The following STARD13 variants were observed in gnomAD, a reference collection of about 807,000 sequenced individuals.
STARD13 encodes stAR-related lipid transfer protein 13.
In STARD13, 62 loss-of-function variants were observed where a neutral mutation model predicts 106.4. The ratio of observed to expected loss-of-function variants is 0.58; its 90% CI spans 0.48 to 0.72. The LOEUF (loss-of-function observed/expected upper bound fraction) is 0.72. Ranked by LOEUF, STARD13 falls within the 30% of genes least tolerant of loss-of-function variation. The pLI is 0.00. For synonymous variants in STARD13, 565 were observed against 553.0 expected (o/e 1.02, Z -0.31); for missense variants, 1,387 against 1,424.0 (o/e 0.97, Z 0.42).
chr13:33,629,116 G>A, the STARD13 span, among the ~76,000 whole-genome samples: 1 of 152,224 alleles, frequency 6.6e-6, no homozygotes, highest in South Asian at 2.1e-4. Flanking sequence ...GTCTTGGGTT[G>A]TAGGCCAGGT....
the STARD13 span, among the ~76,000 whole-genome samples, chr13:33,596,501 T>A: frequency 1.3e-5 from 2 of 152,330 alleles, no homozygotes; most frequent in Middle Eastern, 3.4e-3. Context: ...AATGATCAAA[T>A]CAGGGCATTT....
chr13:33,352,427 C>G (rs2078087646), upstream of STARD13, among the ~76,000 whole-genome samples: 1 of 152,216 alleles, frequency 6.6e-6, no homozygotes, highest in Non-Finnish European at 1.5e-5. Flanking sequence ...GGGAACAGAA[C>G]ATAACCATTC....
intron 1 of STARD13, among the ~76,000 whole-genome samples, 164 bp from the exon 2 acceptor site, chr13:33,167,786 C>G (rs1046580016): frequency 6.6e-6 from 1 of 152,020 alleles, no homozygotes; most frequent in African/African-American, 2.4e-5. Context: ...GGGTGGAAAA[C>G]GAGCGGGTAA....
At chr13:33,185,971 A>G in intron 1 of STARD13, 1 of 1,614,228 alleles carries the variant, frequency 6.2e-7, no homozygotes. Flanking sequence ...ACCAAGCACC[A>G]CAAAGGGGCC....
chr13:33,182,698 G>C (rs1257254396), intron 1 of STARD13, among the ~76,000 whole-genome samples: 1 of 152,232 alleles, frequency 6.6e-6, no homozygotes, highest in Non-Finnish European at 1.5e-5. Flanking sequence ...CTGGGGCCGT[G>C]GGCTGGACGA....
the STARD13 span, among the ~76,000 whole-genome samples, chr13:33,376,377 G>T: frequency 8.2e-4 from 125 of 152,288 alleles, no homozygotes; most frequent in Non-Finnish European, 1.5e-3. Flanking sequence ...GGGTACTTAC[G>T]CATTCTAGAA....
the STARD13 span, among the ~76,000 whole-genome samples, chr13:33,450,781 G>A: frequency 9.6e-3 from 1,464 of 152,304 alleles, 25 homozygotes; most frequent in African/African-American, 0.033. Context: ...GGAAAACACA[G>A]GGAGAGGGGA....
At chr13:33,185,229 G>C (rs1885640241) in intron 1 of STARD13, among the ~76,000 whole-genome samples, 1 of 152,176 alleles carries the variant, frequency 6.6e-6, no homozygotes. Flanking sequence ...CACGCACACA[G>C]GCCATCAGTG....
chr13:33,289,763 T>TACAGATCCC (rs1892215661), upstream of STARD13, among the ~76,000 whole-genome samples: 3 of 151,994 alleles, frequency 2.0e-5, no homozygotes, highest in Admixed American at 1.3e-4. Context: ...AAGTAAGAAG[T>TACAGATCCC]ACAGATCCCA....
chr13:33,351,191 C>T (rs2078075662), upstream of STARD13, among the ~76,000 whole-genome samples: 1 of 152,076 alleles, frequency 6.6e-6, no homozygotes, highest in African/African-American at 2.4e-5. Context: ...ATTGCATAGC[C>T]ATTATGAGGA....
the STARD13 span, among the ~76,000 whole-genome samples, chr13:33,657,693 G>T: frequency 6.6e-6 from 1 of 152,194 alleles, no homozygotes; most frequent in African/African-American, 2.4e-5. Context: ...AGATGTAACT[G>T]TCCAAAGGCA....
chr13:33,420,567 T>C, the STARD13 span, among the ~76,000 whole-genome samples: 1 of 152,172 alleles, frequency 6.6e-6, no homozygotes, highest in Non-Finnish European at 1.5e-5. Flanking sequence ...TTAACAAAGA[T>C]ATTCAGGACT....
At chr13:33,611,345 A>G in the STARD13 span, 1 of 152,238 alleles carries the variant, frequency 6.6e-6, no homozygotes, top group East Asian at 1.9e-4. Flanking sequence ...GGTTACCAGG[A>G]AAACGTAAAG....
At chr13:33,465,201 CTTTTTTTTTTTT>C in the STARD13 span, among the ~76,000 whole-genome samples, 1 of 60,644 alleles carries the variant, frequency 1.6e-5, no homozygotes, top group African/African-American at 5.1e-5. Context: ...TGGTCTTCTT[CTTTTTTTTTTTT>C]TTTTTTTTTT....
chr13:33,234,980 G>A (rs954290461), intron 1 of STARD13, among the ~76,000 whole-genome samples: 3 of 152,140 alleles, frequency 2.0e-5, no homozygotes, highest in Admixed American at 6.5e-5. Flanking sequence ...AGGATCTTAT[G>A]TATTATCACA....
the STARD13 span, among the ~76,000 whole-genome samples, chr13:33,429,929 G>GT: frequency 1.4e-5 from 2 of 144,692 alleles, no homozygotes; most frequent in South Asian, 2.2e-4. Context: ...TTTTTTTTTG[G>GT]GGGGGGGGGA....
chr13:33,562,662 C>A, the STARD13 span, among the ~76,000 whole-genome samples: 1 of 146,112 alleles, frequency 6.8e-6, no homozygotes, highest in East Asian at 2.0e-4. Context: ...CTATGTTTGT[C>A]AAATAAATAA....
chr13:33,172,426 G>T (rs1400838320), intron 1 of STARD13, among the ~76,000 whole-genome samples: 3 of 152,144 alleles, frequency 2.0e-5, no homozygotes, highest in Non-Finnish European at 2.9e-5. Context: ...AGTTAAAAGA[G>T]ATTTACAAGC....
the STARD13 span, among the ~76,000 whole-genome samples, chr13:33,415,662 G>T: frequency 6.6e-6 from 1 of 151,844 alleles, no homozygotes; most frequent in Admixed American, 6.5e-5. Flanking sequence ...CTCAATTTCA[G>T]ATCGTTGTGT....
Sources: allele counts gnomAD v4.1 joint callset (sites outside exome capture counted in the v4.1 genomes callset), GRCh38; gene constraint gnomAD v4.1.1; transcripts MANE v1.5; gene names NCBI Gene and HGNC (gene_info 2026-07-23, HGNC 2026-07-21).